The following SLC40A1 variants were observed in gnomAD, a reference collection of about 807,000 sequenced individuals.
SLC40A1 encodes solute carrier family 40 member 1.
In SLC40A1, 16 loss-of-function variants were observed where a neutral mutation model predicts 53.5. The ratio of observed to expected loss-of-function variants is 0.30; its 90% CI spans 0.20 to 0.45. The LOEUF is 0.45. Among genes scored for constraint, SLC40A1 ranks in the 20% least tolerant of loss-of-function variants. The pLI, the probability that SLC40A1 is intolerant of heterozygous loss-of-function variation, is 1.00. For synonymous variants in SLC40A1, 247 were observed against 253.2 expected (o/e 0.98, Z 0.23); for missense variants, 545 against 695.4 (o/e 0.78, Z 2.43).
chr2:189,580,327 G>C (rs530650445), intron 1 of SLC40A1, 91 bp downstream of exon 1: 2 of 1,263,770 alleles, frequency 1.6e-6, no homozygotes, highest in Non-Finnish European at 2.3e-6. Flanking sequence ...GTTCACAGCA[G>C]AGCCACATTC....
intron 5 of SLC40A1, among the ~76,000 whole-genome samples, chr2:189,569,985 C>CACCTATATATGTATGTATATATATAT: frequency 9.7e-6 from 1 of 103,616 alleles, no homozygotes; most frequent in African/African-American, 3.3e-5. Flanking sequence ...TATATATATA[C>CACCTATATATGTATGTATATATATAT]ACACCTATAT....
Position 189,565,448 on chromosome 2 carries a change from C to T in SLC40A1, c.666G>A (p.Leu222=). The T allele has an allele frequency of 1.2e-6, 2 of 1,614,248 alleles. No homozygotes were observed. Among genetic ancestry groups the T allele is most frequent in the Non-Finnish European group, 1.7e-6 (2 of 1,180,048 alleles). Reference sequence around the variant, plus strand: ...GGGTTTTCTGGTAAACCTTCCAGAGCAGAACGTACTCCACGCACATGGATA... The same window carrying T: ...GGGTTTTCTGGTAAACCTTCCAGAGTAGAACGTACTCCACGCACATGGATA... The part of the protein sequence containing the change: ...NLVSMCVEYV[L]LWKVYQKTPA... Residue 222 remains leucine, a synonymous_variant, in exon 6 of 8, where the codon CTG becomes CTA. Coordinates refer to ENST00000261024, the MANE Select transcript of SLC40A1 (RefSeq NM_014585.6).
Position 189,579,898 on chromosome 2 carries a change from G to A in SLC40A1, c.44-18C>T, listed in dbSNP as rs775112877. On this transcript the variant is annotated intron_variant, in intron 1 of 7. Coordinates refer to ENST00000261024, the MANE Select transcript of SLC40A1 (RefSeq NM_014585.6). ...CAAGGATCCTGCAAAGACACAGGCGGGGTGACAAAAAGCGATGGTAGTCAC... is the reference window on the plus strand; with the variant it reads ...CAAGGATCCTGCAAAGACACAGGCGAGGTGACAAAAAGCGATGGTAGTCAC... The A allele has an allele frequency of 6.2e-7, 1 of 1,613,694 alleles. No homozygotes were observed. Among genetic ancestry groups the A allele is most frequent in the East Asian group, 2.2e-5 (1 of 44,882 alleles).
Position 189,562,030 on chromosome 2 carries a change from A to G in SLC40A1, c.1564T>C (p.Leu522=). 1.2e-6 allele frequency: 2 copies of G among 1,614,166 alleles called. No individual in the cohort carries two copies. The highest frequency in any genetic ancestry group is 1.7e-6 in the Non-Finnish European group (2 of 1,180,002). Residue 522 remains leucine (L), a synonymous_variant, in exon 8 of 8, where the codon TTG becomes CTG. Coordinates refer to ENST00000261024, the MANE Select transcript of SLC40A1 (RefSeq NM_014585.6). ...ILAPNPEAFG[L]LVLISVSFVA... The stretch of plus-strand genomic sequence containing the variant: ...AAGGAGACTGAAATCAATACGAGCA[A>G]GCCAAAAGCTTCAGGATTTGGAGCC...
Position 189,579,876 on chromosome 2 carries a change from G to C in SLC40A1, c.48C>G (p.Ser16=). The stretch of plus-strand genomic sequence containing the variant: ...TTGCAGAGGTCAGGTAGTCGGCCAA[G>C]GATCCTGCAAAGACACAGGCGGGGT... ...DHNRQRGCCG[S]LADYLTSAKF... is the part of the protein sequence containing the mutation. Residue 16 remains serine, a synonymous_variant, in exon 2 of 8, where the codon TCC becomes TCG. Coordinates refer to ENST00000261024, the MANE Select transcript of SLC40A1 (RefSeq NM_014585.6). The C allele has an allele frequency of 6.2e-7, 1 of 1,614,156 alleles. No individual in the cohort carries two copies.
chr2:189,578,092 T>A (rs1198064969), intron 2 of SLC40A1: 1 of 566,184 alleles, frequency 1.8e-6, no homozygotes, highest in Admixed American at 6.3e-5. Flanking sequence ...CTTGGCAGGG[T>A]GGGACGGAAA....
At chr2:189,565,038 T>C (rs2030888406) in intron 6 of SLC40A1, among the ~76,000 whole-genome samples, 1 of 152,122 alleles carries the variant, frequency 6.6e-6, no homozygotes, top group African/African-American at 2.4e-5. Flanking sequence ...TTCTCTTTTT[T>C]TCCCCACATT....
intron 5 of SLC40A1, among the ~76,000 whole-genome samples, chr2:189,570,444 A>C (rs1276673181): frequency 1.3e-5 from 2 of 152,206 alleles, no homozygotes; most frequent in Non-Finnish European, 2.9e-5. Flanking sequence ...TAAACAAAAA[A>C]AGACAAAGCC....
intron 7 of SLC40A1, 131 bp from the exon 8 acceptor site, chr2:189,562,322 A>G (rs533117693): frequency 2.3e-5 from 15 of 662,486 alleles, no homozygotes; most frequent in Non-Finnish European, 3.6e-5. Context: ...CCTTAAATAT[A>G]CCATAGCCTT....
rs376571265 is a variant in SLC40A1 at position 189,563,629 on chromosome 2, T to C, written c.1357A>G (p.Ile453Val). ...PETSPESVPI[I>V]SVSLLFAGVI... ...CCTGCAAACAGCAGACTGACAGAGA[T>C]TATGGGCACAGATTCAGGACTTGTC... Residue 453 changes from isoleucine to valine, a missense_variant, in exon 7 of 8, where the codon ATC becomes GTC. Physicochemically the swap from Ile to Val is conservative, Grantham distance 29. Transcript: ENST00000261024. 6 of 1,614,066 alleles carry C rather than the reference T, an allele frequency of 3.7e-6. No individual in the cohort carries two copies. Among genetic ancestry groups the C allele is most frequent in the Non-Finnish European group, 5.1e-6 (6 of 1,180,026 alleles).
chr2:189,575,566 C>G (rs1439228559), intron 2 of SLC40A1, among the ~76,000 whole-genome samples: 4 of 152,178 alleles, frequency 2.6e-5, no homozygotes, highest in Non-Finnish European at 5.9e-5. Flanking sequence ...CGCACATTCT[C>G]TTTTTCATTC....
At chr2:189,567,460 T>C (rs192129197) in intron 5 of SLC40A1, among the ~76,000 whole-genome samples, 42 of 152,142 alleles carry the variant, frequency 2.8e-4, no homozygotes, top group African/African-American at 1.0e-3. Context: ...ATGTACTCCA[T>C]AATAAGCACA....
Position 189,565,359 on chromosome 2 carries a change from T to C in SLC40A1, c.755A>G (p.His252Arg), listed in dbSNP as rs2030900988. The C allele has an allele frequency of 6.2e-7, 1 of 1,614,132 alleles. No individual in the cohort carries two copies. The highest frequency in any genetic ancestry group is 1.3e-5 in the African/African-American group (1 of 74,954). ...EETELKQLNL[H>R]KDTEPKPLEG... ...GATCATTGTGTTCAGTTTACCTTTG[T>C]GTAAATTCAGCTGTTTCAATTCAGT... Residue 252 changes from histidine (H) to arginine (R), a missense_variant, in exon 6 of 8, where the codon CAC becomes CGC. His to Arg is a conservative substitution (Grantham distance 29). Transcript: ENST00000261024.
At chr2:189,574,021 G>A (rs1008318933) in intron 3 of SLC40A1, among the ~76,000 whole-genome samples, 12 of 152,188 alleles carry the variant, frequency 7.9e-5, no homozygotes, top group Non-Finnish European at 4.4e-5. Flanking sequence ...AAGAGCAGAG[G>A]TGGTAACAAA....
chr2:189,580,405 C>A lies in SLC40A1; in HGVS notation c.43+13G>T. On this transcript the variant is annotated intron_variant, in intron 1 of 7. Coordinates refer to ENST00000261024, the MANE Select transcript of SLC40A1 (RefSeq NM_014585.6). ...TGGGTTTCCACCATATGCTTTCGGT[C>A]AACGACACTCACCACAGCATCCTCT... is the stretch of plus-strand genomic sequence containing the variant. The A allele has an allele frequency of 6.2e-7, 1 of 1,613,640 alleles. No individual in the cohort carries two copies. Among genetic ancestry groups the A allele is most frequent in the South Asian group, 1.1e-5 (1 of 91,046 alleles).
At position 189,561,736 on chromosome 2, in the gene SLC40A1, T is replaced by C; in HGVS notation, c.*142A>G. 1.4e-6 allele frequency: 1 copy of C among 716,668 alleles called. No individual in the cohort carries two copies. Among genetic ancestry groups the C allele is most frequent in the Non-Finnish European group, 2.4e-6 (1 of 423,116 alleles). The allele number at this position is 716,668 out of a possible 1,614,324, so 44.4% of individuals were successfully genotyped here. ...CAGTTAATTTCTGCTGACTTAGGTTTCCTAAACAGCTTTTAGTTCTCAAGG... is the reference window on the plus strand; with the variant it reads ...CAGTTAATTTCTGCTGACTTAGGTTCCCTAAACAGCTTTTAGTTCTCAAGG... On this transcript the variant is annotated 3_prime_UTR_variant, in exon 8 of 8. Transcript: ENST00000261024.
intron 3 of SLC40A1, among the ~76,000 whole-genome samples, chr2:189,574,111 T>A (rs186005746): frequency 6.6e-6 from 1 of 152,332 alleles, no homozygotes; most frequent in East Asian, 1.9e-4. Context: ...GAGTAATGTA[T>A]GAGTTGATTA....
intron 3 of SLC40A1, 110 bp downstream of exon 3, chr2:189,575,051 G>T: frequency 2.4e-6 from 3 of 1,246,364 alleles, no homozygotes; most frequent in Non-Finnish European, 3.5e-6. Flanking sequence ...AGTGTGGCAT[G>T]CAGACATTCC....
intron 5 of SLC40A1, among the ~76,000 whole-genome samples, chr2:189,566,907 C>T (rs2030955975): frequency 1.3e-5 from 2 of 152,080 alleles, no homozygotes; most frequent in Admixed American, 1.3e-4. Context: ...ATGAAAGGAC[C>T]AACTCTGTGG....
Sources: gnomAD v4.1 joint callset for allele counts (sites outside exome capture counted in the v4.1 genomes callset) on GRCh38, gnomAD v4.1.1 for gene constraint, MANE v1.5 for transcripts, NCBI Gene and HGNC (gene_info 2026-07-23, HGNC 2026-07-21) for gene names.